Variants in RPS6KA5 observed in about 807,000 individuals in gnomAD.
RPS6KA5 encodes ribosomal protein S6 kinase alpha-5.
A neutral mutation model predicts 85.5 loss-of-function variants in RPS6KA5; 27 were observed. That is an observed-to-expected ratio of 0.32 (90% CI 0.23 to 0.44). The LOEUF (loss-of-function observed/expected upper bound fraction) is 0.44, where lower values mean the gene tolerates loss of function less well. Among genes scored for constraint, RPS6KA5 ranks in the 20% least tolerant of loss-of-function variants. RPS6KA5 has a pLI of 1.00. For synonymous variants in RPS6KA5, 334 were observed against 348.2 expected (o/e 0.96, Z 0.46); for missense variants, 811 against 980.9 (o/e 0.83, Z 2.31).
At chr14:90,950,273 T>C (rs926586070) in intron 3 of RPS6KA5, among the ~76,000 whole-genome samples, 1 of 152,248 alleles carries the variant, frequency 6.6e-6, no homozygotes, top group Non-Finnish European at 1.5e-5. Context: ...ATGTTGATCT[T>C]ACATACTGCA....
intron 2 of RPS6KA5, among the ~76,000 whole-genome samples, chr14:90,996,334 G>A: frequency 6.6e-6 from 1 of 151,984 alleles, no homozygotes; most frequent in East Asian, 1.9e-4. Context: ...ATTGCACCAG[G>A]CCTGCATGCA....
intron 1 of RPS6KA5, among the ~76,000 whole-genome samples, chr14:91,059,338 C>A (rs1271360815): frequency 8.3e-6 from 1 of 120,600 alleles, no homozygotes; most frequent in Non-Finnish European, 1.8e-5. Context: ...GAAACTCTGT[C>A]TGAAAAAAAA....
intron 3 of RPS6KA5, among the ~76,000 whole-genome samples, chr14:90,960,326 A>G (rs990750844): frequency 6.6e-6 from 1 of 152,216 alleles, no homozygotes; most frequent in African/African-American, 2.4e-5. Flanking sequence ...GCGAAACAAC[A>G]AATAAGACAA....
intron 3 of RPS6KA5, among the ~76,000 whole-genome samples, chr14:90,961,374 G>A (rs747136942): frequency 6.6e-6 from 1 of 152,130 alleles, no homozygotes; most frequent in Non-Finnish European, 1.5e-5. Context: ...GAAGACAGTG[G>A]GTTTAGACGT....
intron 14 of RPS6KA5, among the ~76,000 whole-genome samples, chr14:90,878,759 A>G (rs1335793049): frequency 6.6e-6 from 1 of 152,202 alleles, no homozygotes; most frequent in Non-Finnish European, 1.5e-5. Context: ...AATAGAACTT[A>G]GTGGGCTTCT....
At chr14:91,036,580 T>C (rs1277017822) in intron 1 of RPS6KA5, among the ~76,000 whole-genome samples, 2 of 152,154 alleles carry the variant, frequency 1.3e-5, no homozygotes, top group East Asian at 3.9e-4. Flanking sequence ...TACATGCAGA[T>C]AATTTAGCTG....
At chr14:90,937,476 T>C (rs1425018956) in intron 5 of RPS6KA5, among the ~76,000 whole-genome samples, 4 of 152,162 alleles carry the variant, frequency 2.6e-5, no homozygotes, top group East Asian at 1.9e-4. Context: ...GGAAAGACTA[T>C]GTCTACTTAA....
intron 3 of RPS6KA5, 75 bp downstream of exon 3, chr14:90,978,231 C>T (rs1287313190): frequency 2.8e-6 from 3 of 1,057,470 alleles, no homozygotes; most frequent in Non-Finnish European, 2.7e-6. Context: ...TAGTATCTTG[C>T]CCTTTAAGTA....
intron 7 of RPS6KA5, among the ~76,000 whole-genome samples, chr14:90,907,201 C>T (rs899230766): frequency 6.6e-6 from 1 of 152,118 alleles, no homozygotes; most frequent in African/African-American, 2.4e-5. Context: ...CAAAAAGATT[C>T]CCTATTGTGC....
At position 90,890,540 on chromosome 14, in the gene RPS6KA5, T is replaced by A. The variant is rs1189487598; in HGVS notation, c.1783A>T (p.Asn595Tyr). The stretch of plus-strand genomic sequence containing the variant: ...CAGGACTCATCGTAGCCGTTCTGAT[T>A]CAAGAGCTCTGGGGCGGCATAATGA... The part of the protein sequence containing the change: ...TLHYAAPELL[N>Y]QNGYDESCDL... Residue 595 changes from asparagine to tyrosine, a missense_variant, in exon 14 of 17, where the codon AAT (asparagine) becomes TAT (tyrosine). Asn to Tyr is a moderately radical substitution (Grantham distance 143). Around this residue, in one of 3 missense-constraint regions of RPS6KA5, gnomAD observed 650 missense variants for 793.4 expected, o/e 0.82. Transcript: ENST00000614987. The A allele has an allele frequency of 6.2e-7, 1 of 1,614,172 alleles. No individual in the cohort carries two copies. Among genetic ancestry groups the A allele is most frequent in the Non-Finnish European group, 8.5e-7 (1 of 1,180,014 alleles).
chr14:90,999,205 C>T (rs1286149), intron 2 of RPS6KA5, among the ~76,000 whole-genome samples: 1,795 of 151,800 alleles, frequency 0.012, 34 homozygotes, highest in African/African-American at 0.041. Context: ...TAGGCTTCAT[C>T]TCAAAAAAAC....
At chr14:91,031,980 T>C (rs1041481472) in intron 1 of RPS6KA5, among the ~76,000 whole-genome samples, 1 of 152,188 alleles carries the variant, frequency 6.6e-6, no homozygotes, top group African/African-American at 2.4e-5. Context: ...ATCGTTTTAA[T>C]AAAAATTTTA....
chr14:90,963,790 T>C (rs187715203), intron 3 of RPS6KA5, among the ~76,000 whole-genome samples: 48 of 152,180 alleles, frequency 3.2e-4, no homozygotes, highest in African/African-American at 1.1e-3. Flanking sequence ...TAGGATATAT[T>C]GAAACCCAGC....
At chr14:90,942,239 C>A (rs2037610594) in intron 5 of RPS6KA5, among the ~76,000 whole-genome samples, 1 of 152,098 alleles carries the variant, frequency 6.6e-6, no homozygotes, top group Non-Finnish European at 1.5e-5. Context: ...ACTCCAAAAA[C>A]CAATCAGAAA....
At chr14:91,021,192 A>G (rs2041760490) in intron 1 of RPS6KA5, among the ~76,000 whole-genome samples, 1 of 152,186 alleles carries the variant, frequency 6.6e-6, no homozygotes, top group African/African-American at 2.4e-5. Flanking sequence ...AATCCTTACT[A>G]TAATGGTTAC....
At chr14:91,002,521 T>G (rs1262460145) in intron 1 of RPS6KA5, among the ~76,000 whole-genome samples, 1 of 152,140 alleles carries the variant, frequency 6.6e-6, no homozygotes, top group Non-Finnish European at 1.5e-5. Context: ...GTAAATAAAT[T>G]AATGCTTTGG....
At chr14:90,912,586 A>T (rs1303763653) in intron 7 of RPS6KA5, among the ~76,000 whole-genome samples, 3 of 152,226 alleles carry the variant, frequency 2.0e-5, no homozygotes, top group African/African-American at 7.2e-5. Context: ...AGGCTGGCAC[A>T]CAGCGGTCCC....
chr14:90,875,666 C>T (rs8021136), intron 14 of RPS6KA5, among the ~76,000 whole-genome samples: 18,850 of 151,130 alleles, frequency 0.12, 1,663 homozygotes, highest in African/African-American at 0.24. Context: ...TGTCCAACAA[C>T]GATAGACTGG....
At chr14:90,992,928 T>C (rs1231614220) in intron 2 of RPS6KA5, among the ~76,000 whole-genome samples, 1 of 152,220 alleles carries the variant, frequency 6.6e-6, no homozygotes, top group Non-Finnish European at 1.5e-5. Flanking sequence ...CCAAATTAAA[T>C]GCTATTTTGT....
Sources: gnomAD v4.1 joint callset for allele counts (sites outside exome capture counted in the v4.1 genomes callset) on GRCh38, gnomAD v4.1.1 for gene constraint, gnomAD v4.1.1 regional missense constraint, MANE v1.5 for transcripts, NCBI Gene and HGNC (gene_info 2026-07-23, HGNC 2026-07-21) for gene names.